SUDS3: variants seen among roughly 807,000 people sequenced by gnomAD.
SUDS3 encodes the protein sin3 histone deacetylase corepressor complex component SDS3.
A neutral mutation model predicts 53.5 loss-of-function variants in SUDS3; 23 were observed. The ratio of observed to expected loss-of-function variants is 0.43; its 90% CI spans 0.31 to 0.61. The LOEUF is 0.61. Ranked by LOEUF, SUDS3 falls within the 20% of genes least tolerant of loss-of-function variation. The pLI, the probability that SUDS3 is intolerant of heterozygous loss-of-function variation, is 0.10. For missense variants in SUDS3, 291 were observed against 405.9 expected, an observed-to-expected ratio of 0.72 and a Z score of 2.43; for synonymous variants, 150 against 148.5, an observed-to-expected ratio of 1.01 and a Z score of -0.08.
intron 6 of SUDS3, 62 bp from the exon 7 acceptor site, chr12:118,400,597 A>C: frequency 2.7e-6 from 4 of 1,505,202 alleles, no homozygotes; most frequent in Non-Finnish European, 3.7e-6. Context: ...CTTATACTAT[A>C]GAAATTCTTA....
intron 11 of SUDS3, 30 bp from the exon 12 acceptor site, chr12:118,414,305 T>G (rs916747613): frequency 6.5e-7 from 1 of 1,527,688 alleles, no homozygotes; most frequent in Non-Finnish European, 8.9e-7. Context: ...ATTTAACTTT[T>G]CATCTTGTTC....
intron 7 of SUDS3, among the ~76,000 whole-genome samples, chr12:118,400,964 T>C (rs1297855104): frequency 6.6e-6 from 1 of 152,120 alleles, no homozygotes; most frequent in East Asian, 1.9e-4. Flanking sequence ...GTGGGAGAGA[T>C]GTATAGAGTT....
intron 6 of SUDS3, among the ~76,000 whole-genome samples, chr12:118,393,961 G>A (rs1484110132): frequency 6.6e-6 from 1 of 152,084 alleles, no homozygotes; most frequent in Non-Finnish European, 1.5e-5. Flanking sequence ...GTGAGCCACC[G>A]TGCCCCGGCT....
Position 118,382,737 on chromosome 12 carries a change from G to A in SUDS3, c.213-1275G>A, listed in dbSNP as rs142038758. On this transcript the variant is annotated intron_variant, in intron 2 of 11. Coordinates refer to ENST00000543473, the MANE Select transcript of SUDS3 (RefSeq NM_022491.3). ...GGCTGGAGTGCAGTGGCATGATCTC[G>A]GCTCACTGCAACCTCCAGCCCCTGG... Among the ~76,000 whole-genome samples, 116 of 150,284 alleles carry A rather than the reference G, an allele frequency of 7.7e-4. 1 individual carries two copies. In the East Asian group the frequency reaches 0.014, roughly 18 times the overall value.
At chr12:118,376,976 A>T (rs987195273) in intron 1 of SUDS3, 143 bp downstream of exon 1, 1 of 1,123,234 alleles carries the variant, frequency 8.9e-7, no homozygotes, top group Non-Finnish European at 1.2e-6. Flanking sequence ...GGGCTCGGGG[A>T]AGTTACCCCC....
chr12:118,405,127 TTAA>T (rs1217361737), intron 10 of SUDS3, among the ~76,000 whole-genome samples: 14 of 152,358 alleles, frequency 9.2e-5, no homozygotes, highest in Non-Finnish European at 1.9e-4. Flanking sequence ...CTCTAACAGC[TTAA>T]CACTGAGAAG....
intron 6 of SUDS3, among the ~76,000 whole-genome samples, chr12:118,398,227 C>T (rs1019831400): frequency 3.9e-5 from 6 of 152,160 alleles, no homozygotes; most frequent in Admixed American, 2.0e-4. Flanking sequence ...ACCCTCACGG[C>T]GCACTGTGGG....
chr12:118,405,233 A>G (rs894985622), intron 10 of SUDS3, among the ~76,000 whole-genome samples: 8 of 152,366 alleles, frequency 5.3e-5, no homozygotes, highest in African/African-American at 1.9e-4. Context: ...GAAAATGATG[A>G]GATTTATCAC....
In SUDS3 at chr12:118,418,008, T is replaced by C. The variant is rs7295288; in HGVS notation, c.*3575T>C. The C allele has an allele frequency of 0.19, 29,314 of 152,034 alleles. 3,190 individuals carry two copies. Among genetic ancestry groups the C allele is most frequent in the African/African-American group, 0.29 (12,198 of 41,430 alleles). The allele number at this position is 152,034 out of a possible 1,614,324, so 9.4% of individuals were successfully genotyped here. ...GAATGGATCTTGGGTGGAAAAACAA[T>C]CTTGAAATAAACTTGTGATTGAGGA... On this transcript the variant is annotated 3_prime_UTR_variant, in exon 12 of 12. Transcript: ENST00000543473.
At position 118,414,402 on chromosome 12, in the gene SUDS3, T is replaced by A. The variant is rs2046383020; in HGVS notation, c.956T>A (p.Leu319His). Residue 319 changes from leucine to histidine, a missense_variant, in exon 12 of 12, where the codon CTC becomes CAC. Transcript: ENST00000543473. ...TACCTGGGCCAGCTTCAGCGCGGGC[T>A]CTTCGTGATCCGCCGGCGCTCAGCT... ...RIYLGQLQRGLFVIRRRSAA is the reference protein window; with the variant it reads ...RIYLGQLQRGHFVIRRRSAA The A allele has an allele frequency of 6.2e-7, 1 of 1,601,350 alleles. No individual in the cohort carries two copies. Among genetic ancestry groups the A allele is most frequent in the Non-Finnish European group, 8.5e-7 (1 of 1,174,332 alleles).
In SUDS3 at chr12:118,417,860, C is replaced by G. The variant is rs1474706822; in HGVS notation, c.*3427C>G. On this transcript the variant is annotated 3_prime_UTR_variant, in exon 12 of 12. Transcript: ENST00000543473. ...CTAGACATTTAATTCTTAGTGAAGACTAAGATACAGAATGATGTCAGGCTA... is the reference window on the plus strand; with the variant it reads ...CTAGACATTTAATTCTTAGTGAAGAGTAAGATACAGAATGATGTCAGGCTA... The G allele has an allele frequency of 6.6e-6, 1 of 152,014 alleles. No individual in the cohort carries two copies. The allele number at this position is 152,014 out of a possible 1,614,324, so 9.4% of individuals were successfully genotyped here.
intron 4 of SUDS3, among the ~76,000 whole-genome samples, chr12:118,387,524 C>T (rs1395075498): frequency 6.6e-6 from 1 of 151,880 alleles, no homozygotes; most frequent in Admixed American, 6.6e-5. Flanking sequence ...TTTCTTCATT[C>T]TGCTCAGACT....
At chr12:118,377,833 T>A (rs932536668) in intron 1 of SUDS3, among the ~76,000 whole-genome samples, 2 of 152,040 alleles carry the variant, frequency 1.3e-5, no homozygotes, top group Non-Finnish European at 2.9e-5. Context: ...GGGGCCTACG[T>A]TTTATTCATC....
intron 6 of SUDS3, among the ~76,000 whole-genome samples, chr12:118,393,148 A>G (rs1437546852): frequency 1.3e-5 from 2 of 152,208 alleles, no homozygotes; most frequent in Non-Finnish European, 2.9e-5. Context: ...CTAGAAGGGT[A>G]ATTAACATTT....
Position 118,380,214 on chromosome 12 carries a change from T to C in SUDS3, c.195T>C (p.Tyr65=), listed in dbSNP as rs200129355. ...TDLAKHDEED[Y]VEMKEQMYQD... Reference sequence around the variant, plus strand: ...TGGCAAAGCATGATGAAGAAGACTATGTAGAAATGAAGGAACAGTGAGTAT... The same window carrying C: ...TGGCAAAGCATGATGAAGAAGACTACGTAGAAATGAAGGAACAGTGAGTAT... The change falls in exon 2 of 12, where the codon TAT becomes TAC. Residue 65 remains tyrosine (Y), a synonymous_variant. Transcript: ENST00000543473. The C allele has an allele frequency of 4.0e-4, 643 of 1,608,042 alleles. 4 individuals are homozygous for C. In the African/African-American group the frequency reaches 7.6e-3, roughly 19 times the overall value.
intron 2 of SUDS3, among the ~76,000 whole-genome samples, chr12:118,382,951 A>G (rs779180079): frequency 1.3e-5 from 2 of 152,134 alleles, no homozygotes; most frequent in Non-Finnish European, 2.9e-5. Context: ...TACAGGCGTG[A>G]GCCACCTTGC....
intron 2 of SUDS3, among the ~76,000 whole-genome samples, chr12:118,381,016 T>G (rs112114571): frequency 1.2e-4 from 18 of 152,206 alleles, no homozygotes; most frequent in African/African-American, 4.3e-4. Context: ...TTTTTTTCTT[T>G]TCTTTTTTAA....
chr12:118,406,183 G>T (rs2046306830), intron 10 of SUDS3, among the ~76,000 whole-genome samples: 1 of 152,192 alleles, frequency 6.6e-6, no homozygotes. Context: ...ATAACTAATT[G>T]ATGGTACGGG....
intron 6 of SUDS3, among the ~76,000 whole-genome samples, chr12:118,395,511 C>G (rs2046207077): frequency 6.6e-6 from 1 of 151,880 alleles, no homozygotes; most frequent in South Asian, 2.1e-4. Flanking sequence ...CAGGTGTGAA[C>G]CACCACGCCC....
Sources: gnomAD v4.1 joint callset for allele counts (sites outside exome capture counted in the v4.1 genomes callset) on GRCh38, gnomAD v4.1.1 for gene constraint, MANE v1.5 for transcripts, NCBI Gene and HGNC (gene_info 2026-07-23, HGNC 2026-07-21) for gene names.